Variants in TMEM131 observed in about 807,000 individuals in gnomAD.
TMEM131 encodes 2610524E03Rik.
Under a neutral mutation model 211.6 loss-of-function variants are expected in TMEM131, and 66 were observed. The observed-to-expected ratio is 0.31, with a 90% CI of 0.26 to 0.38. The LOEUF is 0.38. Among genes scored for constraint, TMEM131 ranks in the 10% least tolerant of loss-of-function variants. The pLI is 1.00. For missense variants in TMEM131, 2,036 were observed against 2,299.3 expected, an observed-to-expected ratio of 0.89 and a Z score of 2.34; for synonymous variants, 844 against 841.3, an observed-to-expected ratio of 1.00 and a Z score of -0.06.
intron 3 of TMEM131, among the ~76,000 whole-genome samples, chr2:97,902,560 A>G (rs1371935068): frequency 2.0e-5 from 3 of 152,150 alleles, no homozygotes; most frequent in African/African-American, 7.2e-5. Context: ...ATACACATAA[A>G]CATAAACATT....
intron 17 of TMEM131, among the ~76,000 whole-genome samples, chr2:97,812,037 G>A (rs770953753): frequency 6.6e-6 from 1 of 152,140 alleles, no homozygotes; most frequent in Non-Finnish European, 1.5e-5. Flanking sequence ...CTGGACAGAC[G>A]TATTATTGCA....
chr2:97,994,504 T>C (rs1302728283), intron 1 of TMEM131, among the ~76,000 whole-genome samples: 2 of 152,210 alleles, frequency 1.3e-5, no homozygotes, highest in East Asian at 1.9e-4. Flanking sequence ...AGTCATAAAG[T>C]AGAATGTTAA....
chr2:97,841,759 T>C, intron 7 of TMEM131, 56 bp downstream of exon 7: 5 of 1,490,322 alleles, frequency 3.4e-6, no homozygotes, highest in Non-Finnish European at 4.5e-6. Flanking sequence ...GATTTCATGC[T>C]AAGCATTAAT....
chr2:97,917,548 T>C (rs1368385324), intron 2 of TMEM131, among the ~76,000 whole-genome samples: 1 of 152,202 alleles, frequency 6.6e-6, no homozygotes, highest in African/African-American at 2.4e-5. Flanking sequence ...GACTGGGTAA[T>C]TAATTCATAA....
chr2:97,832,198 A>G (rs1393145318), intron 11 of TMEM131, among the ~76,000 whole-genome samples: 1 of 152,134 alleles, frequency 6.6e-6, no homozygotes, highest in African/African-American at 2.4e-5. Flanking sequence ...AAAAGGACAA[A>G]CATGGGCCTA....
intron 5 of TMEM131, among the ~76,000 whole-genome samples, chr2:97,847,180 T>G (rs1258059364): frequency 6.7e-6 from 1 of 148,958 alleles, no homozygotes; most frequent in East Asian, 2.0e-4. Context: ...AGAGTGAGAT[T>G]CGGTCTCAAA....
At chr2:97,779,222 T>G (rs965853470) in intron 31 of TMEM131, among the ~76,000 whole-genome samples, 1 of 152,230 alleles carries the variant, frequency 6.6e-6, no homozygotes, top group African/African-American at 2.4e-5. Flanking sequence ...TTCAGGGCCA[T>G]GTATGATTTC....
intron 4 of TMEM131, among the ~76,000 whole-genome samples, chr2:97,865,518 CTG>C (rs889350372): frequency 6.6e-6 from 1 of 152,100 alleles, no homozygotes; most frequent in Non-Finnish European, 1.5e-5. Flanking sequence ...AATGTTTTTT[CTG>C]TGTTTATTGA....
chr2:97,801,847 A>G, intron 25 of TMEM131, 48 bp downstream of exon 25: 2 of 1,355,978 alleles, frequency 1.5e-6, no homozygotes, highest in Non-Finnish European at 2.0e-6. Context: ...TATATTGATC[A>G]TATTATAAAA....
intron 31 of TMEM131, among the ~76,000 whole-genome samples, chr2:97,788,810 C>A (rs980792877): frequency 2.0e-5 from 3 of 152,122 alleles, no homozygotes; most frequent in Non-Finnish European, 4.4e-5. Context: ...TGGATCAGCA[C>A]CACTGTCTCA....
At position 97,834,484 on chromosome 2, in the gene TMEM131, G is replaced by C. The variant is rs116103420; in HGVS notation, c.1012+137C>G. ...CTGTAAAGGCGCTGAGTCTGAAAAG[G>C]AGATTTGTACAAGATCATGCAACCA... On this transcript the variant is annotated intron_variant, in intron 10 of 40. Transcript: ENST00000186436. The C allele has an allele frequency of 1.4e-5, 10 of 719,180 alleles. No homozygotes were observed. The East Asian group carries it at 2.7e-4, about 19-fold the overall frequency. 44.5% of individuals were successfully genotyped at this position (719,180 alleles called of 1,614,324 possible).
intron 11 of TMEM131, chr2:97,827,403 A>G: frequency 2.0e-6 from 2 of 1,021,964 alleles, no homozygotes; most frequent in South Asian, 1.3e-5. Flanking sequence ...ACGTGCAAAC[A>G]AAAGGGAAAA....
chr2:97,874,626 G>A (rs1434272729), intron 4 of TMEM131, among the ~76,000 whole-genome samples: 2 of 152,284 alleles, frequency 1.3e-5, no homozygotes, highest in East Asian at 3.9e-4. Flanking sequence ...GCCAAACTAA[G>A]CTTCATAAGT....
At chr2:97,848,482 C>G (rs949785579) in intron 5 of TMEM131, among the ~76,000 whole-genome samples, 2 of 152,166 alleles carry the variant, frequency 1.3e-5, no homozygotes, top group African/African-American at 4.8e-5. Context: ...TGGCTATGCA[C>G]GTATCTCCTG....
chr2:97,785,631 C>A (rs1162756391), intron 31 of TMEM131, among the ~76,000 whole-genome samples: 1 of 152,132 alleles, frequency 6.6e-6, no homozygotes, highest in East Asian at 1.9e-4. Flanking sequence ...ATGAAATATG[C>A]AACTATCATA....
chr2:97,875,077 T>TA (rs1296726311), intron 4 of TMEM131, among the ~76,000 whole-genome samples: 1 of 152,108 alleles, frequency 6.6e-6, no homozygotes, highest in Non-Finnish European at 1.5e-5. Context: ...TAATCTCTGA[T>TA]AAAACAGACT....
rs760751098 is a variant in TMEM131 at position 97,818,702 on chromosome 2, T to G, written c.1094A>C (p.Gln365Pro). ...AAAGTGTACCGTTATAGCATCATTT[T>G]GTGGTGTAGGTCGAACACTCTGCAA... ...VPITSVRPTPQNDAITVHFKP... is the reference protein window; with the variant it reads ...VPITSVRPTPPNDAITVHFKP... The change falls in exon 12 of 41, where the codon CAA (glutamine) becomes CCA (proline). Residue 365 changes from glutamine (Q) to proline (P), a missense_variant. Around this residue, in one of 3 missense-constraint regions of TMEM131, gnomAD observed 277 missense variants for 378.0 expected, o/e 0.73. Transcript: ENST00000186436. 4 of 1,605,048 alleles carry G rather than the reference T, an allele frequency of 2.5e-6. No individual in the cohort carries two copies. The East Asian group carries it at 8.9e-5, about 36-fold the overall frequency.
rs115913392 is a variant in TMEM131 at position 97,775,726 on chromosome 2, C to T, written c.4320+117G>A. On this transcript the variant is annotated intron_variant, in intron 32 of 40. Transcript: ENST00000186436. The stretch of plus-strand genomic sequence containing the variant: ...GAACCATTCCTCAGTAGGTGCTCAT[C>T]CTAGATTTAAACATTACTTTTGTAC... 134 of 1,186,922 alleles carry T rather than the reference C, an allele frequency of 1.1e-4. 1 individual carries two copies. In the African/African-American group the frequency reaches 1.8e-3, roughly 16 times the overall value. The allele number at this position is 1,186,922 out of a possible 1,614,324, so 73.5% of individuals were successfully genotyped here. A position where few individuals can be genotyped will look rare whatever the true frequency, so the allele number is the denominator to read the frequency against.
At position 97,888,051 on chromosome 2, in the gene TMEM131, C is replaced by T; in HGVS notation, c.359+1G>A. 6.2e-7 allele frequency: 1 copy of T among 1,612,712 alleles called. No individual in the cohort carries two copies. Among genetic ancestry groups the T allele is most frequent in the Non-Finnish European group, 8.5e-7 (1 of 1,179,000 alleles). The stretch of plus-strand genomic sequence containing the variant: ...GTACAGTCCAAAAATTTTAAACTTA[C>T]TGTTCATGGAAATCCAGCATTGGTG... On this transcript the variant is annotated splice_donor_variant, in intron 4 of 40. Coordinates refer to ENST00000186436, the MANE Select transcript of TMEM131 (RefSeq NM_015348.2). LOFTEE classifies it high-confidence loss of function.
Sources: gnomAD v4.1 joint callset for allele counts (sites outside exome capture counted in the v4.1 genomes callset) on GRCh38, gnomAD v4.1.1 for gene constraint, gnomAD v4.1.1 regional missense constraint, MANE v1.5 for transcripts, NCBI Gene and HGNC (gene_info 2026-07-23, HGNC 2026-07-21) for gene names.